Variants in HAT1 observed in about 807,000 individuals in gnomAD.
The protein encoded by HAT1 is histone acetyltransferase type B catalytic subunit.
Under a neutral mutation model 56.6 loss-of-function variants are expected in HAT1, and 20 were observed. That is an observed-to-expected ratio of 0.35 (90% CI 0.25 to 0.51). The LOEUF (loss-of-function observed/expected upper bound fraction) is 0.51, where lower values mean the gene tolerates loss of function less well. Ranked by LOEUF, HAT1 falls within the 20% of genes least tolerant of loss-of-function variation. The pLI, the probability that HAT1 is intolerant of heterozygous loss-of-function variation, is 0.95. For missense variants in HAT1, 408 were observed against 504.3 expected (o/e 0.81, Z 1.83); for synonymous variants, 146 against 165.5 (o/e 0.88, Z 0.91).
intron 1 of HAT1, 48 bp downstream of exon 1, chr2:171,922,555 G>T (rs369953999): frequency 1.5e-6 from 2 of 1,303,740 alleles, no homozygotes; most frequent in South Asian, 6.2e-5. Context: ...GGCCAGATCG[G>T]GGATAGAACG....
chr2:171,969,721 C>G (rs1687767819), intron 8 of HAT1, among the ~76,000 whole-genome samples: 1 of 152,136 alleles, frequency 6.6e-6, no homozygotes, highest in African/African-American at 2.4e-5. Flanking sequence ...TTATTTAAAA[C>G]TGGAAATTTT....
At chr2:171,957,521 T>G (rs1047620121) in intron 4 of HAT1, among the ~76,000 whole-genome samples, 6 of 152,188 alleles carry the variant, frequency 3.9e-5, no homozygotes, top group African/African-American at 1.4e-4. Flanking sequence ...ACCCACAGTC[T>G]TACCTATGAT....
At chr2:171,969,851 A>C (rs1226218079) in intron 8 of HAT1, among the ~76,000 whole-genome samples, 1 of 152,068 alleles carries the variant, frequency 6.6e-6, no homozygotes, top group East Asian at 1.9e-4. Flanking sequence ...AGGGTATAGA[A>C]GTTACTTAAA....
At chr2:171,956,463 G>T (rs1448339423) in intron 4 of HAT1, among the ~76,000 whole-genome samples, 2 of 151,754 alleles carry the variant, frequency 1.3e-5, no homozygotes, top group African/African-American at 4.8e-5. Flanking sequence ...AGTGAGCCAA[G>T]ATGGTGCCAC....
At chr2:171,951,716 G>T (rs1453344133) in intron 3 of HAT1, among the ~76,000 whole-genome samples, 2 of 151,528 alleles carry the variant, frequency 1.3e-5, no homozygotes, top group African/African-American at 4.9e-5. Context: ...TTACTGGTGT[G>T]AGCCACCGTG....
intron 2 of HAT1, among the ~76,000 whole-genome samples, chr2:171,931,671 C>G (rs1053425551): frequency 1.3e-5 from 2 of 152,014 alleles, no homozygotes; most frequent in African/African-American, 2.4e-5. Context: ...AAGACTGTGT[C>G]TCGGGGGGGA....
chr2:171,949,995 C>A (rs1687264379), intron 3 of HAT1, among the ~76,000 whole-genome samples: 1 of 152,142 alleles, frequency 6.6e-6, no homozygotes. Flanking sequence ...CTGGTACTTT[C>A]CCTGTTAGTT....
intron 2 of HAT1, among the ~76,000 whole-genome samples, chr2:171,930,684 G>C (rs143270583): frequency 1.2e-3 from 189 of 152,136 alleles, no homozygotes; most frequent in Non-Finnish European, 2.2e-3. Context: ...GCGTGATTGT[G>C]GCTCACTATA....
intron 2 of HAT1, among the ~76,000 whole-genome samples, chr2:171,939,161 G>C (rs1245833279): frequency 6.6e-6 from 1 of 152,108 alleles, no homozygotes; most frequent in Non-Finnish European, 1.5e-5. Context: ...TTCCTTCCCA[G>C]TTCAGGGTTC....
intron 1 of HAT1, 50 bp downstream of exon 1, chr2:171,922,557 G>T (rs1005203805): frequency 1.2e-5 from 15 of 1,302,540 alleles, no homozygotes; most frequent in Non-Finnish European, 1.5e-5. Context: ...CCAGATCGGG[G>T]ATAGAACGCC....
chr2:171,966,070 C>T, intron 6 of HAT1, 162 bp downstream of exon 6: 1 of 649,756 alleles, frequency 1.5e-6, no homozygotes, highest in South Asian at 2.0e-5. Flanking sequence ...CTTTGGGAGA[C>T]CTTGAGAATA....
chr2:171,982,683 T>C (rs1455712621), intron 10 of HAT1, among the ~76,000 whole-genome samples: 5 of 152,248 alleles, frequency 3.3e-5, no homozygotes, highest in Non-Finnish European at 5.9e-5. Flanking sequence ...TTTTAAAGTA[T>C]AGCAGTTTTC....
At chr2:171,957,274 G>A (rs1032305640) in intron 4 of HAT1, among the ~76,000 whole-genome samples, 6 of 152,220 alleles carry the variant, frequency 3.9e-5, no homozygotes, top group South Asian at 4.1e-4. Flanking sequence ...TCCAGAGGGT[G>A]GAGCTGCAGG....
chr2:171,954,338 T>C (rs1031639982), intron 4 of HAT1, among the ~76,000 whole-genome samples: 4 of 152,218 alleles, frequency 2.6e-5, no homozygotes, highest in African/African-American at 9.7e-5. Flanking sequence ...ATGATCAAGC[T>C]GATCACATTA....
At chr2:171,938,076 T>TCTCTCTCTCTCTA (rs1574039412) in intron 2 of HAT1, among the ~76,000 whole-genome samples, 1 of 63,686 alleles carries the variant, frequency 1.6e-5, no homozygotes, top group East Asian at 7.1e-4. Flanking sequence ...CTCTCTCTCT[T>TCTCTCTCTCTCTA]TAAATGAACT....
chr2:171,967,583 A>C (rs1048927758), intron 8 of HAT1, among the ~76,000 whole-genome samples: 1 of 152,132 alleles, frequency 6.6e-6, no homozygotes, highest in East Asian at 1.9e-4. Context: ...TATTAGATGG[A>C]GTTTCAGATA....
chr2:171,968,421 G>T (rs1687732059), intron 8 of HAT1, among the ~76,000 whole-genome samples: 1 of 152,124 alleles, frequency 6.6e-6, no homozygotes, highest in Admixed American at 6.5e-5. Context: ...GCCAGCAGGG[G>T]TTGTTTCTCT....
chr2:171,965,918 G>A lies in HAT1; in HGVS notation c.611+10G>A. The A allele has an allele frequency of 6.2e-7, 1 of 1,609,934 alleles. No homozygotes were observed. On this transcript the variant is annotated intron_variant, in intron 6 of 10. Coordinates refer to ENST00000264108, the MANE Select transcript of HAT1 (RefSeq NM_003642.4). ...GGCACTACTTTCTAGTGTAAGTACA[G>A]TTCTAAAGCAACAGTAGACCTTATT...
chr2:171,952,820 G>C (rs1458742675), intron 3 of HAT1, 61 bp from the exon 4 acceptor site: 1 of 1,148,556 alleles, frequency 8.7e-7, no homozygotes, highest in Non-Finnish European at 1.2e-6. Flanking sequence ...TTATATGTAG[G>C]GTTAATACTT....
Sources: gnomAD v4.1 joint callset for allele counts (sites outside exome capture counted in the v4.1 genomes callset) on GRCh38, gnomAD v4.1.1 for gene constraint, MANE v1.5 for transcripts, NCBI Gene and HGNC (gene_info 2026-07-23, HGNC 2026-07-21) for gene names.